NPAS2: variants seen among roughly 807,000 people sequenced by gnomAD.
NPAS2 encodes neuronal PAS domain-containing protein 2.
NPAS2 carries 23 observed loss-of-function variants against 107.5 expected under a neutral mutation model. The observed-to-expected ratio is 0.21, with a 90% CI of 0.15 to 0.30. The LOEUF (loss-of-function observed/expected upper bound fraction) is 0.30, where lower values mean the gene tolerates loss of function less well. Ranked by LOEUF, NPAS2 falls within the 10% of genes least tolerant of loss-of-function variation. The pLI, the probability that NPAS2 is intolerant of heterozygous loss-of-function variation, is 1.00. For missense variants in NPAS2, 756 were observed against 1,043.3 expected (o/e 0.72, Z 3.79); for synonymous variants, 403 against 417.5 (o/e 0.97, Z 0.42).
chr2:100,956,717 G>A (rs976706256), intron 7 of NPAS2, among the ~76,000 whole-genome samples: 3 of 152,202 alleles, frequency 2.0e-5, no homozygotes, highest in Admixed American at 2.0e-4. Flanking sequence ...CCAGGGCAGA[G>A]GAGAAAGGGT....
intron 1 of NPAS2, among the ~76,000 whole-genome samples, chr2:100,839,794 G>T (rs982339565): frequency 5.3e-5 from 8 of 152,002 alleles, no homozygotes; most frequent in African/African-American, 1.9e-4. Flanking sequence ...AAAAATTGCT[G>T]CCAGGCATGT....
chr2:100,933,298 A>G (rs1423465521), intron 4 of NPAS2, among the ~76,000 whole-genome samples: 1 of 152,198 alleles, frequency 6.6e-6, no homozygotes, highest in Non-Finnish European at 1.5e-5. Flanking sequence ...GGTTCGAGGT[A>G]GGTAGAGAGA....
chr2:100,985,444 CAG>C (rs1210701634), intron 16 of NPAS2: 1 of 152,262 alleles, frequency 6.6e-6, no homozygotes, highest in Non-Finnish European at 1.5e-5. Context: ...TTTCTACTGT[CAG>C]AGGATATACA....
rs1684216858 is a variant in NPAS2, at chr2:100,935,104, T to C, written c.273+2103T>C. On this transcript the variant is annotated intron_variant, in intron 4 of 20. Coordinates refer to ENST00000335681, the MANE Select transcript of NPAS2 (RefSeq NM_002518.4). ...AATTGACCTGGCTGAAAAAACAAAA[T>C]TGACCTGGCTGCAGACCAGCCAAGC... 7.1e-6 allele frequency: 7 copies of C among 983,888 alleles called. No individual in the cohort carries two copies. The Admixed American group carries it at 4.3e-4, about 61-fold the overall frequency. 60.9% of individuals were successfully genotyped at this position (983,888 alleles called of 1,614,324 possible).
intron 1 of NPAS2, among the ~76,000 whole-genome samples, chr2:100,858,408 C>T (rs1196702366): frequency 6.6e-6 from 1 of 152,196 alleles, no homozygotes; most frequent in Non-Finnish European, 1.5e-5. Flanking sequence ...AAACTCCTTC[C>T]AGCGTGCACT....
intron 4 of NPAS2, among the ~76,000 whole-genome samples, chr2:100,936,477 A>G (rs1684307381): frequency 6.6e-6 from 1 of 152,146 alleles, no homozygotes; most frequent in Admixed American, 6.5e-5. Context: ...TCCCTGAGCT[A>G]TTATTCCCTT....
intron 1 of NPAS2, among the ~76,000 whole-genome samples, chr2:100,858,930 A>G (rs1678755693): frequency 4.6e-5 from 7 of 152,216 alleles, no homozygotes; most frequent in Admixed American, 4.6e-4. Context: ...TTGCATAATC[A>G]ACGCCTCAAG....
rs1397307031 is a variant in NPAS2, at chr2:100,964,139, T to C, written c.680T>C (p.Ile227Thr). The C allele has an allele frequency of 1.2e-6, 2 of 1,613,922 alleles. No individual in the cohort carries two copies. Among genetic ancestry groups the C allele is most frequent in the Admixed American group, 3.3e-5 (2 of 59,998 alleles). ...RVPLGKEVCF[I>T]ATVRLATPQF... ...CCACTAGGAAAGGAGGTTTGCTTCA[T>C]TGCCACCGTTCGTCTGGCAACACCA... Residue 227 changes from isoleucine to threonine, a missense_variant, in exon 8 of 21, where the codon ATT (isoleucine) becomes ACT (threonine). By Grantham distance (89) the Ile-to-Thr change is moderately conservative. Coordinates refer to ENST00000335681, the MANE Select transcript of NPAS2 (RefSeq NM_002518.4).
intron 15 of NPAS2, 34 bp downstream of exon 15, chr2:100,977,833 T>C: frequency 1.3e-6 from 2 of 1,586,130 alleles, no homozygotes; most frequent in Non-Finnish European, 8.7e-7. Context: ...GCAGCCCCTC[T>C]CAAGCCAGAA....
chr2:100,942,177 G>A (rs201564831), intron 5 of NPAS2, among the ~76,000 whole-genome samples: 8 of 152,070 alleles, frequency 5.3e-5, no homozygotes, highest in South Asian at 2.1e-4. Context: ...ATGCTGGCTC[G>A]CCAGGTACAA....
In NPAS2 at chr2:100,968,371, C is replaced by T. The variant is rs760347047; in HGVS notation, c.998C>T (p.Thr333Ile). 6.2e-7 allele frequency: 1 copy of T among 1,614,118 alleles called. No homozygotes were observed. The highest frequency in any genetic ancestry group is 8.5e-7 in the Non-Finnish European group (1 of 1,179,996). Residue 333 changes from threonine (T) to isoleucine (I), a missense_variant, in exon 11 of 21, where the codon ACC (threonine) becomes ATC (isoleucine). Thr to Ile is a moderately conservative substitution (Grantham distance 89). Around this residue, in one of 4 missense-constraint regions of NPAS2, gnomAD observed 84 missense variants for 175.5 expected, o/e 0.48. Coordinates refer to ENST00000335681, the MANE Select transcript of NPAS2 (RefSeq NM_002518.4). The surrounding 1 kb of genome is among the most constrained non-coding windows in gnomAD (Gnocchi z 5.3). ...WIWLQTHYYI[T>I]YHQWNSKPEF... ...TGGCTGCAGACTCACTACTACATCA[C>T]CTACCATCAGTGGAACTCCAAGCCC...
At chr2:100,935,748 C>A (rs992799293) in intron 4 of NPAS2, among the ~76,000 whole-genome samples, 1 of 152,104 alleles carries the variant, frequency 6.6e-6, no homozygotes. Flanking sequence ...AGTGCCCTTA[C>A]CCCTTAAAAA....
chr2:100,915,720 T>TA (rs542010205), intron 2 of NPAS2, among the ~76,000 whole-genome samples: 78 of 152,168 alleles, frequency 5.1e-4, no homozygotes, highest in Admixed American at 9.8e-4. Context: ...GGAATGAAGG[T>TA]AAAATGAAGA....
chr2:100,826,932 T>C (rs1216815540), intron 1 of NPAS2, among the ~76,000 whole-genome samples: 1 of 152,230 alleles, frequency 6.6e-6, no homozygotes, highest in Non-Finnish European at 1.5e-5. Context: ...TTCTGATTGT[T>C]TTGACGTGAA....
intron 1 of NPAS2, among the ~76,000 whole-genome samples, chr2:100,829,248 A>G (rs1199929866): frequency 6.6e-6 from 1 of 150,468 alleles, no homozygotes; most frequent in Admixed American, 6.7e-5. Context: ...GCAGTGGCGC[A>G]ATCTCAGCTC....
rs758886031 is a variant in NPAS2 at position 100,975,598 on chromosome 2, G to A, written c.1392+31G>A. 4.6e-6 allele frequency: 7 copies of A among 1,515,594 alleles called. No homozygotes were observed. In the South Asian group the frequency reaches 4.7e-5, roughly 10 times the overall value. The allele number at this position is 1,515,594 out of a possible 1,614,324, so 93.9% of individuals were successfully genotyped here. ...TGTGTGACCCCAAACTCCTCCACGG[G>A]TGTACGCTACAATGTGGTGGGGGCT... On this transcript the variant is annotated intron_variant, in intron 14 of 20. Transcript: ENST00000335681.
intron 1 of NPAS2, among the ~76,000 whole-genome samples, chr2:100,894,058 G>A (rs953965766): frequency 8.5e-5 from 13 of 152,320 alleles, no homozygotes; most frequent in African/African-American, 3.1e-4. Context: ...GACCCAGGGC[G>A]GATATGCCGT....
intron 2 of NPAS2, among the ~76,000 whole-genome samples, chr2:100,913,748 T>G (rs1343156781): frequency 6.6e-6 from 1 of 152,208 alleles, no homozygotes; most frequent in Non-Finnish European, 1.5e-5. Flanking sequence ...ATAGGACTTT[T>G]GGTGATGTAT....
chr2:100,923,488 T>G (rs1421866324), intron 2 of NPAS2, among the ~76,000 whole-genome samples: 1 of 152,194 alleles, frequency 6.6e-6, no homozygotes, highest in Admixed American at 6.5e-5. Flanking sequence ...TACGTCCTTT[T>G]GTGTCCAAGG....
Sources: allele counts gnomAD v4.1 joint callset (sites outside exome capture counted in the v4.1 genomes callset), GRCh38; gene constraint gnomAD v4.1.1; regional missense constraint gnomAD v4.1.1; non-coding constraint Gnocchi (gnomAD v3.1); transcripts MANE v1.5; gene names NCBI Gene and HGNC (gene_info 2026-07-23, HGNC 2026-07-21).